The following RARA variants were observed in gnomAD, a reference collection of about 807,000 sequenced individuals.
RARA encodes retinoic acid receptor alpha.
A neutral mutation model predicts 42.8 loss-of-function variants in RARA; 5 were observed. The ratio of observed to expected loss-of-function variants is 0.12; its 90% CI spans 0.06 to 0.25. The LOEUF (loss-of-function observed/expected upper bound fraction) is 0.25, where lower values mean the gene tolerates loss of function less well. Ranked by LOEUF, RARA falls within the 10% of genes least tolerant of loss-of-function variation. The probability of loss-of-function intolerance (pLI) is 1.00; values close to 1 mark genes in which losing one functional copy is unlikely to be tolerated. For synonymous variants in RARA, 256 were observed against 259.5 expected, an observed-to-expected ratio of 0.99 and a Z score of 0.13; for missense variants, 402 against 628.7, an observed-to-expected ratio of 0.64 and a Z score of 3.86.
chr17:40,310,880 A>G (rs754107932), intron 1 of RARA, among the ~76,000 whole-genome samples: 10 of 152,040 alleles, frequency 6.6e-5, no homozygotes, highest in East Asian at 1.9e-4. Context: ...ATCTAGGTCA[A>G]TCTCTCCGCC....
chr17:40,320,737 G>A lies in RARA; in HGVS notation c.-362-10120G>A, dbSNP rs141825240. Among the ~76,000 whole-genome samples the A allele has an allele frequency of 2.1e-3, 313 of 152,274 alleles. 1 individual carries two copies. The highest frequency in any genetic ancestry group is 3.2e-3 in the Non-Finnish European group (216 of 68,012). On this transcript the variant is annotated intron_variant, in intron 1 of 8. Transcript: ENST00000254066. The surrounding 1 kb of genome is among the most constrained non-coding windows in gnomAD (Gnocchi z 4.1). The stretch of plus-strand genomic sequence containing the variant: ...AGGACTTAGGCTAGGCTGGAGGGGT[G>A]GTTTCTTTTGACCTCTGTGGGGTCT...
At chr17:40,347,708 A>G (rs1403557973) in intron 2 of RARA, among the ~76,000 whole-genome samples, 1 of 152,036 alleles carries the variant, frequency 6.6e-6, no homozygotes, top group Non-Finnish European at 1.5e-5. Context: ...TATCTCAGGG[A>G]GACACCTCCT....
At chr17:40,343,592 C>G (rs2143408702) in intron 2 of RARA, among the ~76,000 whole-genome samples, 1 of 152,282 alleles carries the variant, frequency 6.6e-6, no homozygotes, top group Admixed American at 6.5e-5. Context: ...TCCCTCTCCC[C>G]CTAATCCTAA....
In RARA at chr17:40,310,680, A is replaced by G. The variant is rs2143143956; in HGVS notation, c.-363+1394A>G. On this transcript the variant is annotated intron_variant, in intron 1 of 8. Transcript: ENST00000254066. ...TCAGAGGCCTGAACTGGAGACTTAG[A>G]CTGGTTACTTAACTATATGTGTTTA... Among the ~76,000 whole-genome samples the G allele has an allele frequency of 3.3e-5, 5 of 152,212 alleles. 1 individual carries two copies. The South Asian group carries it at 1.0e-3, about 32-fold the overall frequency.
Position 40,351,662 on chromosome 17 carries a change from G to A in RARA, c.470-248G>A, listed in dbSNP as rs1897058814. ...CATGCGGCTGGCTATGGGGTGGGGTGGGGGGTGTGTGCAGGGCCACAGCTG... is the reference window on the plus strand; with the variant it reads ...CATGCGGCTGGCTATGGGGTGGGGTAGGGGGTGTGTGCAGGGCCACAGCTG... On this transcript the variant is annotated intron_variant, in intron 4 of 8. Transcript: ENST00000254066. This position sits in a 1 kb window ranked among gnomAD's most constrained non-coding sequence, Gnocchi z 4.1. 2 of 560,666 alleles carry A rather than the reference G, an allele frequency of 3.6e-6. No individual in the cohort carries two copies. Among genetic ancestry groups the A allele is most frequent in the Admixed American group, 3.0e-5 (1 of 33,814 alleles). The allele number at this position is 560,666 out of a possible 1,614,324, so 34.7% of individuals were successfully genotyped here. A position where few individuals can be genotyped will look rare whatever the true frequency, so the allele number is the denominator to read the frequency against.
intron 1 of RARA, among the ~76,000 whole-genome samples, chr17:40,329,012 C>A (rs1375915067): frequency 3.3e-5 from 5 of 152,166 alleles, no homozygotes; most frequent in Non-Finnish European, 7.3e-5. Flanking sequence ...AACAGCTATT[C>A]TATTTTACAT....
rs928562950 is a variant in RARA at position 40,354,231 on chromosome 17, G to A, written c.808-71G>A. 13 of 1,450,028 alleles carry A rather than the reference G, an allele frequency of 9.0e-6. No homozygotes were observed. The highest frequency in any genetic ancestry group is 1.2e-5 in the Non-Finnish European group (13 of 1,048,638). The allele number at this position is 1,450,028 out of a possible 1,614,324, so 89.8% of individuals were successfully genotyped here. A position where few individuals can be genotyped will look rare whatever the true frequency, so the allele number is the denominator to read the frequency against. On this transcript the variant is annotated intron_variant, in intron 6 of 8. Transcript: ENST00000254066. This position sits in a 1 kb window ranked among gnomAD's most constrained non-coding sequence, Gnocchi z 4.5. The stretch of plus-strand genomic sequence containing the variant: ...GGTGGTCCTCCGGGAGTGCTGGTGC[G>A]GAGTGCTGGTGCCGAGTGCTCAGAG...
intron 2 of RARA, among the ~76,000 whole-genome samples, chr17:40,337,115 T>A (rs1401412671): frequency 6.6e-6 from 1 of 152,246 alleles, no homozygotes; most frequent in East Asian, 1.9e-4. Flanking sequence ...CCTGCAATCC[T>A]GGAAGAGGGA....
intron 1 of RARA, among the ~76,000 whole-genome samples, chr17:40,313,444 T>C (rs1245985873): frequency 6.6e-6 from 1 of 152,144 alleles, no homozygotes; most frequent in Non-Finnish European, 1.5e-5. Flanking sequence ...CAGAATTCAG[T>C]CTGCTTTCTG....
chr17:40,357,347 C>T lies in RARA; in HGVS notation c.*1121C>T, dbSNP rs1216608171. The T allele has an allele frequency of 1.3e-5, 3 of 232,844 alleles. No individual in the cohort carries two copies. Among genetic ancestry groups the T allele is most frequent in the Admixed American group, 1.1e-4 (2 of 17,794 alleles). 14.4% of individuals were successfully genotyped at this position (232,844 alleles called of 1,614,324 possible). A position where few individuals can be genotyped will look rare whatever the true frequency, so the allele number is the denominator to read the frequency against. On this transcript the variant is annotated 3_prime_UTR_variant, in exon 9 of 9. Transcript: ENST00000254066. The stretch of plus-strand genomic sequence containing the variant: ...ACATGCGCGTGCGCACACACACAAA[C>T]ACACACACACTGGACAGTAGATGGG...
rs1040052592 is a variant in RARA at position 40,309,238 on chromosome 17, G to T, written c.-411G>T. 1.4e-4 allele frequency: 21 copies of T among 152,466 alleles called. No homozygotes were observed. The highest frequency in any genetic ancestry group is 5.0e-4 in the African/African-American group (21 of 41,586). The allele number at this position is 152,466 out of a possible 1,614,324, so 9.4% of individuals were successfully genotyped here. A position where few individuals can be genotyped will look rare whatever the true frequency, so the allele number is the denominator to read the frequency against. ...TGAATCGAGCTGAGAGGGCTTCCCC[G>T]GTTCTCCTGGGAACCCCATCGGCCC... On this transcript the variant is annotated 5_prime_UTR_variant, in exon 1 of 9. Coordinates refer to ENST00000254066, the MANE Select transcript of RARA (RefSeq NM_000964.4).
rs965003653 is a variant in RARA, at chr17:40,320,124, G to C, written c.-362-10733G>C. 3.3e-5 allele frequency among the ~76,000 whole-genome samples: 5 copies of C among 152,110 alleles called. No individual in the cohort carries two copies. The highest frequency in any genetic ancestry group is 6.5e-5 in the Admixed American group (1 of 15,284). On this transcript the variant is annotated intron_variant, in intron 1 of 8. Transcript: ENST00000254066. This position sits in a 1 kb window ranked among gnomAD's most constrained non-coding sequence, Gnocchi z 4.1. The stretch of plus-strand genomic sequence containing the variant: ...GATTGAGTGTATATGAGGTGTCACT[G>C]CAGGGGTTTCACCATCAGACTGGCG...
intron 2 of RARA, among the ~76,000 whole-genome samples, chr17:40,332,511 C>T (rs2033725986): frequency 6.6e-6 from 1 of 152,200 alleles, no homozygotes; most frequent in Non-Finnish European, 1.5e-5. Context: ...GCAGCGCTCT[C>T]TCCCCGGAGC....
chr17:40,342,195 A>G (rs2143389630), intron 2 of RARA: 2 of 1,053,468 alleles, frequency 1.9e-6, no homozygotes, highest in South Asian at 4.5e-5. Context: ...GCGAGTCGCC[A>G]GCTGCCCCTG....
intron 2 of RARA, chr17:40,343,121 C>G (rs1484448601): frequency 1.8e-6 from 1 of 569,280 alleles, no homozygotes; most frequent in African/African-American, 1.9e-5. Context: ...ATTCCTTCAT[C>G]TCTTGTTTCA....
chr17:40,312,778 C>T (rs1188994119), intron 1 of RARA, among the ~76,000 whole-genome samples: 2 of 152,216 alleles, frequency 1.3e-5, no homozygotes, highest in South Asian at 4.1e-4. Context: ...GCTACCTAGG[C>T]AATCCCTTCC....
rs2033688156 is a variant in RARA, at chr17:40,331,399, A to G, written c.178+3A>G. 6.2e-7 allele frequency: 1 copy of G among 1,612,192 alleles called. No individual in the cohort carries two copies. On this transcript the variant is annotated splice_donor_region_variant and intron_variant, in intron 2 of 8. Coordinates refer to ENST00000254066, the MANE Select transcript of RARA (RefSeq NM_000964.4). ...ATATAGCACACCATCCCCAGCCAGT[A>G]AGTCTGGGTGTGGGGGCTGGGGTGG...
At chr17:40,314,855 G>A (rs1202165623) in intron 1 of RARA, among the ~76,000 whole-genome samples, 1 of 150,856 alleles carries the variant, frequency 6.6e-6, no homozygotes, top group Non-Finnish European at 1.5e-5. Flanking sequence ...AGGCAGGTGG[G>A]CACCAGGCTT....
chr17:40,348,280 A>G (rs200131397), intron 2 of RARA, 36 bp from the exon 3 acceptor site: 561 of 1,517,138 alleles, frequency 3.7e-4, no homozygotes, highest in Non-Finnish European at 4.7e-4. Flanking sequence ...ATGGCGACCT[A>G]GGTCTCTAAC....
Sources: allele counts gnomAD v4.1 joint callset (sites outside exome capture counted in the v4.1 genomes callset), GRCh38; gene constraint gnomAD v4.1.1; non-coding constraint Gnocchi (gnomAD v3.1); transcripts MANE v1.5; gene names NCBI Gene and HGNC (gene_info 2026-07-23, HGNC 2026-07-21).